Variants in OTOGL observed in about 807,000 individuals in gnomAD.
OTOGL encodes otogelin like.
Under a neutral mutation model 318.5 loss-of-function variants are expected in OTOGL, and 285 were observed. The observed-to-expected ratio is 0.89, with a 90% CI of 0.81 to 0.99. OTOGL has a LOEUF of 0.99. OTOGL is among the 50% of genes least tolerant of loss of function. The pLI is 0.00. For missense variants in OTOGL, 2,899 were observed against 2,845.6 expected, an observed-to-expected ratio of 1.02 and a Z score of -0.43; for synonymous variants, 987 against 936.5, an observed-to-expected ratio of 1.05 and a Z score of -0.99.
chr12:80,238,401 C>T (rs771931821), intron 9 of OTOGL, among the ~76,000 whole-genome samples: 7 of 152,010 alleles, frequency 4.6e-5, no homozygotes, highest in Non-Finnish European at 8.8e-5. Flanking sequence ...TGGACCCTGT[C>T]CACCAAATAT....
intron 1 of OTOGL, among the ~76,000 whole-genome samples, chr12:80,122,095 C>T (rs1331939418): frequency 6.6e-6 from 1 of 151,946 alleles, no homozygotes; most frequent in Non-Finnish European, 1.5e-5. Context: ...AAAAATACCA[C>T]AAAAAATGAA....
intron 27 of OTOGL, among the ~76,000 whole-genome samples, chr12:80,298,557 TG>T (rs1453396153): frequency 6.6e-6 from 1 of 152,174 alleles, no homozygotes; most frequent in African/African-American, 2.4e-5. Flanking sequence ...AGACATGCTC[TG>T]GAGGAAATGA....
chr12:80,318,131 C>G (rs1051899262), intron 32 of OTOGL, among the ~76,000 whole-genome samples: 2 of 152,092 alleles, frequency 1.3e-5, no homozygotes, highest in Non-Finnish European at 2.9e-5. Context: ...ATCCAATTAT[C>G]CTTTCCCCTT....
At chr12:80,239,272 A>C in intron 10 of OTOGL, 61 bp from the exon 11 acceptor site, 3 of 1,263,154 alleles carry the variant, frequency 2.4e-6, no homozygotes, top group Non-Finnish European at 3.3e-6. Context: ...TGTAAAAATA[A>C]TAGAAGACTA....
chr12:80,266,948 T>C (rs2137567840), intron 21 of OTOGL, among the ~76,000 whole-genome samples: 1 of 152,342 alleles, frequency 6.6e-6, no homozygotes, highest in East Asian at 1.9e-4. Context: ...AAGCCCTTTG[T>C]CTTATATATA....
At chr12:80,291,923 C>T (rs1285313987) in intron 26 of OTOGL, among the ~76,000 whole-genome samples, 2 of 152,134 alleles carry the variant, frequency 1.3e-5, no homozygotes, top group African/African-American at 4.8e-5. Context: ...TTGTTGTAAG[C>T]TATAAATAGC....
At chr12:80,308,694 C>G (rs1046953161) in intron 29 of OTOGL, among the ~76,000 whole-genome samples, 2 of 152,298 alleles carry the variant, frequency 1.3e-5, no homozygotes, top group South Asian at 2.1e-4. Context: ...ACTGAGTGAA[C>G]GAGACTCCGT....
chr12:80,361,312 T>C (rs1890226224), intron 52 of OTOGL: 1 of 152,076 alleles, frequency 6.6e-6, no homozygotes, highest in Non-Finnish European at 1.5e-5. Flanking sequence ...ATGACAGGAC[T>C]TTCTTCTTTT....
intron 11 of OTOGL, among the ~76,000 whole-genome samples, chr12:80,242,165 C>T (rs907724580): frequency 6.6e-6 from 1 of 152,206 alleles, no homozygotes. Context: ...GTCTCTGCTA[C>T]ACCCACTTCA....
intron 1 of OTOGL, among the ~76,000 whole-genome samples, chr12:80,104,336 C>G (rs1211094005): frequency 6.6e-6 from 1 of 152,204 alleles, no homozygotes; most frequent in Non-Finnish European, 1.5e-5. Context: ...ATACCTCAAG[C>G]TTTTCCATTT....
At position 80,116,653 on chromosome 12, in the gene OTOGL, G is replaced by A. The variant is rs145141146; in HGVS notation, c.-20+17048G>A. Among the ~76,000 whole-genome samples the A allele has an allele frequency of 6.7e-3, 1,020 of 152,188 alleles. 15 individuals carry two copies. Among genetic ancestry groups the A allele is most frequent in the African/African-American group, 0.022 (906 of 41,528 alleles). On this transcript the variant is annotated intron_variant, in intron 1 of 58. Coordinates refer to ENST00000547103, the MANE Select transcript of OTOGL (RefSeq NM_001378609.3). ...AAGCTTAGATGAAATTTTTTATTAG[G>A]GAATGCAATCCCAGGAAAGCTGGTG...
At chr12:80,151,916 A>G (rs1380092111) in intron 1 of OTOGL, among the ~76,000 whole-genome samples, 2 of 152,258 alleles carry the variant, frequency 1.3e-5, no homozygotes, top group Admixed American at 6.5e-5. Context: ...TGTGCTTTGC[A>G]GTTCACTTTA....
At position 80,352,404 on chromosome 12, in the gene OTOGL, T is replaced by G; in HGVS notation, c.5375T>G (p.Ile1792Ser). The change falls in exon 45 of 59, where the codon ATC becomes AGC. Residue 1792 changes from isoleucine to serine, a missense_variant. Ile to Ser is a moderately radical substitution (Grantham distance 142, BLOSUM62 -2). This residue lies in a region of OTOGL where 2,607 missense variants were observed against 2,524.9 expected (regional missense o/e 1.03). Coordinates refer to ENST00000547103, the MANE Select transcript of OTOGL (RefSeq NM_001378609.3). ...GTGGCTCTGTGCAACAAGTTTGATATCTGTATTCAGTGGAGAACACCTGAT... is the reference window on the plus strand; with the variant it reads ...GTGGCTCTGTGCAACAAGTTTGATAGCTGTATTCAGTGGAGAACACCTGAT... ...AYVALCNKFD[I>S]CIQWRTPDYC... The G allele has an allele frequency of 6.2e-7, 1 of 1,611,772 alleles. No individual in the cohort carries two copies. The highest frequency in any genetic ancestry group is 8.5e-7 in the Non-Finnish European group (1 of 1,178,704).
chr12:80,196,539 G>A (rs1876081526), intron 1 of OTOGL, among the ~76,000 whole-genome samples: 1 of 152,208 alleles, frequency 6.6e-6, no homozygotes. Flanking sequence ...GCCCCTAGGT[G>A]TGGGAAGTGG....
rs1031124229 is a variant in OTOGL, at chr12:80,264,913, A to T, written c.2015-88A>T. On this transcript the variant is annotated intron_variant, in intron 19 of 58. Coordinates refer to ENST00000547103, the MANE Select transcript of OTOGL (RefSeq NM_001378609.3). ...TTGTATTAAAAGTAATATGCACTAC[A>T]GTGTATTTCTAAGAACGTGAAATGC... 8.4e-6 allele frequency: 11 copies of T among 1,315,366 alleles called. No homozygotes were observed. In the African/African-American group the frequency reaches 1.3e-4, roughly 16 times the overall value. The allele number at this position is 1,315,366 out of a possible 1,614,324, so 81.5% of individuals were successfully genotyped here. A position where few individuals can be genotyped will look rare whatever the true frequency, so the allele number is the denominator to read the frequency against.
At chr12:80,177,968 T>G (rs948795089) in intron 1 of OTOGL, among the ~76,000 whole-genome samples, 2 of 152,126 alleles carry the variant, frequency 1.3e-5, no homozygotes, top group African/African-American at 4.8e-5. Flanking sequence ...ATGAGTTATT[T>G]CTAGCCTTAT....
At chr12:80,281,227 C>T (rs1297226585) in intron 26 of OTOGL, among the ~76,000 whole-genome samples, 1 of 151,648 alleles carries the variant, frequency 6.6e-6, no homozygotes, top group Non-Finnish European at 1.5e-5. Flanking sequence ...ACTTCCAGTA[C>T]TATGTTGAAT....
intron 37 of OTOGL, 39 bp from the exon 38 acceptor site, chr12:80,332,966 G>A: frequency 6.8e-7 from 1 of 1,470,068 alleles, no homozygotes; most frequent in Non-Finnish European, 9.3e-7. Flanking sequence ...CAAGATAAAT[G>A]CATTCCACTA....
Position 80,380,813 on chromosome 12 carries a change from G to A in OTOGL, c.*2765G>A, listed in dbSNP as rs551209622. On this transcript the variant is annotated 3_prime_UTR_variant, in exon 59 of 59. Coordinates refer to ENST00000547103, the MANE Select transcript of OTOGL (RefSeq NM_001378609.3). ...CAAATACAAAGTGGTATTTGTGAAG[G>A]TTATTAATTGCAGCATTGTTTGTAA... 6.6e-6 allele frequency: 1 copy of A among 152,158 alleles called. No individual in the cohort carries two copies. Among genetic ancestry groups the A allele is most frequent in the South Asian group, 2.1e-4 (1 of 4,824 alleles). 9.4% of individuals were successfully genotyped at this position (152,158 alleles called of 1,614,324 possible).
Sources: allele counts gnomAD v4.1 joint callset (sites outside exome capture counted in the v4.1 genomes callset), GRCh38; gene constraint gnomAD v4.1.1; regional missense constraint gnomAD v4.1.1; transcripts MANE v1.5; gene names NCBI Gene and HGNC (gene_info 2026-07-23, HGNC 2026-07-21).